Variants in GHR observed in about 807,000 individuals in gnomAD.
GHR encodes the protein GH receptor.
Under a neutral mutation model 67.1 loss-of-function variants are expected in GHR, and 35 were observed. The observed-to-expected ratio is 0.52, with a 90% CI of 0.40 to 0.69. The LOEUF (loss-of-function observed/expected upper bound fraction) is 0.69. Ranked by LOEUF, GHR falls within the 30% of genes least tolerant of loss-of-function variation. The pLI, the probability that GHR is intolerant of heterozygous loss-of-function variation, is 0.00. For synonymous variants in GHR, 272 were observed against 269.1 expected (o/e 1.01, Z -0.10); for missense variants, 792 against 764.6 (o/e 1.04, Z -0.42).
chr5:42,481,712 G>A (rs192366087), intron 1 of GHR, among the ~76,000 whole-genome samples: 2 of 151,988 alleles, frequency 1.3e-5, no homozygotes, highest in African/African-American at 2.4e-5. Flanking sequence ...CGTAATTCTC[G>A]TGCCTTGGTT....
chr5:42,478,811 A>G (rs1745467758), intron 1 of GHR, among the ~76,000 whole-genome samples: 1 of 152,202 alleles, frequency 6.6e-6, no homozygotes, highest in Non-Finnish European at 1.5e-5. Flanking sequence ...TTCTAGATAT[A>G]TAATCATGTC....
intron 1 of GHR, among the ~76,000 whole-genome samples, chr5:42,463,232 C>T (rs1055361072): frequency 5.9e-5 from 9 of 152,260 alleles, no homozygotes; most frequent in African/African-American, 2.2e-4. Context: ...TAGGTGAAAA[C>T]TAATCATGTC....
Position 42,694,816 on chromosome 5 carries a change from G to A in GHR, c.267-101G>A, listed in dbSNP as rs567923071. On this transcript the variant is annotated intron_variant, in intron 4 of 9. Transcript: ENST00000230882. ...TAAAATACCTCTTCACAAAATATTT[G>A]TCTTCCAATTTATTGAATCAGACTA... The A allele has an allele frequency of 5.7e-6, 5 of 880,294 alleles. No individual in the cohort carries two copies. The Admixed American group carries it at 8.6e-5, about 15-fold the overall frequency. 54.5% of individuals were successfully genotyped at this position (880,294 alleles called of 1,614,324 possible).
At chr5:42,495,835 T>G (rs1239763227) in intron 1 of GHR, among the ~76,000 whole-genome samples, 1 of 152,200 alleles carries the variant, frequency 6.6e-6, no homozygotes, top group Non-Finnish European at 1.5e-5. Flanking sequence ...ATGTTTCATC[T>G]CTTGCTACAG....
chr5:42,516,089 T>C (rs1040694873), intron 1 of GHR, among the ~76,000 whole-genome samples: 1 of 152,206 alleles, frequency 6.6e-6, no homozygotes, highest in Non-Finnish European at 1.5e-5. Flanking sequence ...TTCTTTGTAG[T>C]CTTTATAATC....
At chr5:42,512,313 A>G (rs1327897086) in intron 1 of GHR, among the ~76,000 whole-genome samples, 1 of 152,142 alleles carries the variant, frequency 6.6e-6, no homozygotes, top group Non-Finnish European at 1.5e-5. Flanking sequence ...ACAAAGAAGT[A>G]CAGATTTCTG....
At chr5:42,707,112 T>C (rs1758212988) in intron 6 of GHR, among the ~76,000 whole-genome samples, 2 of 152,002 alleles carry the variant, frequency 1.3e-5, no homozygotes, top group African/African-American at 4.8e-5. Flanking sequence ...CTTTGTTAAA[T>C]GTATTCCTAG....
At chr5:42,600,971 G>C (rs866663951) in intron 2 of GHR, among the ~76,000 whole-genome samples, 2 of 117,678 alleles carry the variant, frequency 1.7e-5, no homozygotes, top group Admixed American at 1.1e-4. Flanking sequence ...TTGATGCCCA[G>C]GCTGGAGTGC....
intron 5 of GHR, among the ~76,000 whole-genome samples, chr5:42,695,474 C>T (rs913209148): frequency 1.3e-5 from 2 of 152,148 alleles, no homozygotes; most frequent in South Asian, 2.1e-4. Flanking sequence ...CACTGAAATA[C>T]GTTGGCCTTT....
At chr5:42,454,253 G>T (rs1409016141) in intron 1 of GHR, among the ~76,000 whole-genome samples, 1 of 152,222 alleles carries the variant, frequency 6.6e-6, no homozygotes, top group Admixed American at 6.5e-5. Flanking sequence ...TAGGTGTAGT[G>T]TGCTGGCTTT....
chr5:42,496,740 C>T (rs186230930), intron 1 of GHR, among the ~76,000 whole-genome samples: 314 of 152,122 alleles, frequency 2.1e-3, no homozygotes, highest in African/African-American at 7.3e-3. Context: ...AAACATGATC[C>T]CAGTGTAGGG....
intron 8 of GHR, among the ~76,000 whole-genome samples, chr5:42,714,604 T>C (rs990908591): frequency 6.6e-6 from 1 of 152,192 alleles, no homozygotes; most frequent in Non-Finnish European, 1.5e-5. Flanking sequence ...TTATTTTCAG[T>C]AGAGCTTCAT....
intron 1 of GHR, among the ~76,000 whole-genome samples, chr5:42,527,466 G>A (rs181436706): frequency 1.3e-5 from 2 of 152,194 alleles, no homozygotes; most frequent in East Asian, 1.9e-4. Context: ...AGACAAAGAA[G>A]GGCATTACAT....
At chr5:42,521,266 A>T (rs1393518929) in intron 1 of GHR, among the ~76,000 whole-genome samples, 1 of 152,178 alleles carries the variant, frequency 6.6e-6, no homozygotes, top group South Asian at 2.1e-4. Context: ...TTCGCCAAAA[A>T]TTCTTCTGTT....
At chr5:42,573,216 C>G (rs1232718569) in intron 2 of GHR, among the ~76,000 whole-genome samples, 8 of 152,194 alleles carry the variant, frequency 5.3e-5, no homozygotes, top group Non-Finnish European at 1.0e-4. Context: ...GCAATTGTCA[C>G]TGATGCTCTC....
chr5:42,470,912 G>GAGTT (rs765836643), intron 1 of GHR, among the ~76,000 whole-genome samples: 63 of 152,190 alleles, frequency 4.1e-4, no homozygotes, highest in Non-Finnish European at 7.9e-4. Flanking sequence ...TGTCCTTGAG[G>GAGTT]AGTTTATTCC....
At chr5:42,711,563 C>T (rs1349737646) in intron 7 of GHR, among the ~76,000 whole-genome samples, 191 bp downstream of exon 7, 3 of 152,066 alleles carry the variant, frequency 2.0e-5, no homozygotes, top group African/African-American at 4.8e-5. Context: ...GATTTAGTTT[C>T]CAAATTTTTC....
chr5:42,534,506 A>C (rs542749037), intron 1 of GHR, among the ~76,000 whole-genome samples: 1 of 141,976 alleles, frequency 7.0e-6, no homozygotes, highest in Non-Finnish European at 1.5e-5. Flanking sequence ...ATATATGTAC[A>C]TATGTATATG....
chr5:42,715,649 G>A (rs1172814708), intron 8 of GHR, among the ~76,000 whole-genome samples: 1 of 152,166 alleles, frequency 6.6e-6, no homozygotes, highest in East Asian at 1.9e-4. Context: ...CAAACCAGTA[G>A]CGAAATTCAG....
Sources: gnomAD v4.1 joint callset for allele counts (sites outside exome capture counted in the v4.1 genomes callset) on GRCh38, gnomAD v4.1.1 for gene constraint, MANE v1.5 for transcripts, NCBI Gene and HGNC (gene_info 2026-07-23, HGNC 2026-07-21) for gene names.